PHAX: variants seen among roughly 807,000 people sequenced by gnomAD.
PHAX encodes the protein phosphorylated adapter RNA export protein.
A neutral mutation model predicts 41.6 loss-of-function variants in PHAX; 31 were observed. The observed-to-expected ratio is 0.75, with a 90% CI of 0.56 to 1.01. The LOEUF is 1.01. Among genes scored for constraint, PHAX ranks in the 50% least tolerant of loss-of-function variants. The probability of loss-of-function intolerance (pLI) is 0.00; values close to 1 mark genes in which losing one functional copy is unlikely to be tolerated. For synonymous variants in PHAX, 175 were observed against 164.9 expected, an observed-to-expected ratio of 1.06 and a Z score of -0.47; for missense variants, 453 against 472.9, an observed-to-expected ratio of 0.96 and a Z score of 0.39.
Position 126,608,265 on chromosome 5 carries a change from GT to G in PHAX, c.711-97del, listed in dbSNP as rs1752020310. The G allele has an allele frequency of 1.7e-5, 23 of 1,385,746 alleles. No homozygotes were observed. The East Asian group carries it at 5.3e-4, about 32-fold the overall frequency. The allele number at this position is 1,385,746 out of a possible 1,614,324, so 85.8% of individuals were successfully genotyped here. A position where few individuals can be genotyped will look rare whatever the true frequency, so the allele number is the denominator to read the frequency against. On this transcript the variant is annotated intron_variant, in intron 2 of 4. Coordinates refer to ENST00000297540, the MANE Select transcript of PHAX (RefSeq NM_032177.4). ...ATATTGAAGATTTAGAAAACCAAAA[GT>G]TACTAGAATCAGATTTTTATTCTAG...
rs1752360535 is a variant in PHAX, at chr5:126,626,734, T to TAAAAA, written c.*1890_*1891insAAAAA. ...CCTGGCGACAGAGCGAGACTCCCTC[T>TAAAAA]CAAAAAAAAAAAAAAAAATACAAAA... On this transcript the variant is annotated 3_prime_UTR_variant, in exon 5 of 5. Transcript: ENST00000297540. 1.7e-5 allele frequency: 1 copy of TAAAAA among 57,316 alleles called. No individual in the cohort carries two copies. Among genetic ancestry groups the TAAAAA allele is most frequent in the Non-Finnish European group, 2.7e-5 (1 of 36,942 alleles). The allele number at this position is 57,316 out of a possible 1,614,324, so 3.6% of individuals were successfully genotyped here.
Position 126,601,071 on chromosome 5 carries a change from G to A in PHAX, c.96+13G>A. ...GCTGCAATTGCCAGTGAGTGTGAAA[G>A]GAGGGTGGGTGATCGTGGCTGGGCG... On this transcript the variant is annotated intron_variant, in intron 1 of 4. Coordinates refer to ENST00000297540, the MANE Select transcript of PHAX (RefSeq NM_032177.4). The A allele has an allele frequency of 1.3e-6, 2 of 1,589,892 alleles. No homozygotes were observed. The highest frequency in any genetic ancestry group is 1.7e-4 in the Middle Eastern group (1 of 6,010).
chr5:126,618,662 T>A (rs1039864152), intron 4 of PHAX, among the ~76,000 whole-genome samples: 5 of 145,126 alleles, frequency 3.4e-5, no homozygotes, highest in Admixed American at 1.4e-4. Flanking sequence ...AGTCTTTTTT[T>A]AAAAACTGTT....
At chr5:126,605,621 C>T (rs1751977899) in intron 2 of PHAX, among the ~76,000 whole-genome samples, 1 of 151,640 alleles carries the variant, frequency 6.6e-6, no homozygotes, top group African/African-American at 2.4e-5. Flanking sequence ...TGATCTCGAT[C>T]TCCTGGCCTC....
chr5:126,604,598 TCTCA>T (rs996470464), intron 2 of PHAX, among the ~76,000 whole-genome samples: 13 of 152,024 alleles, frequency 8.6e-5, no homozygotes, highest in African/African-American at 3.1e-4. Context: ...TGAGAAAGGA[TCTCA>T]CTCTTGCCCA....
chr5:126,602,569 A>G (rs1470015650), intron 1 of PHAX, among the ~76,000 whole-genome samples: 1 of 152,368 alleles, frequency 6.6e-6, no homozygotes, highest in Admixed American at 6.5e-5. Flanking sequence ...GAGTTTAACA[A>G]AGACAAATAC....
chr5:126,618,668 C>CT (rs1382885519), intron 4 of PHAX, among the ~76,000 whole-genome samples: 6 of 128,956 alleles, frequency 4.7e-5, no homozygotes, highest in Admixed American at 1.5e-4. Context: ...TTTTTAAAAA[C>CT]TGTTTTTTTT....
At position 126,624,734 on chromosome 5, in the gene PHAX, A is replaced by AATGAGGC; in HGVS notation, c.1076_1082dup (p.Leu362Ter). ...ACGAGAAACTTTTGCAAGTGACACG[A>AATGAGGC]ATGAGGCCTTGGCCTCTCTTGATGA... On this transcript the variant is annotated frameshift_variant, in exon 5 of 5. Coordinates refer to ENST00000297540, the MANE Select transcript of PHAX (RefSeq NM_032177.4). LOFTEE classifies it high-confidence loss of function. 6.2e-7 allele frequency: 1 copy of AATGAGGC among 1,614,202 alleles called. No homozygotes were observed. Among genetic ancestry groups the AATGAGGC allele is most frequent in the Non-Finnish European group, 8.5e-7 (1 of 1,180,024 alleles).
chr5:126,624,519 A>G, intron 4 of PHAX, 56 bp from the exon 5 acceptor site: 1 of 1,332,174 alleles, frequency 7.5e-7, no homozygotes, highest in Non-Finnish European at 1.0e-6. Flanking sequence ...CAGTCATGGA[A>G]TAAACCTTTA....
chr5:126,604,632 A>G (rs919573683), intron 2 of PHAX, among the ~76,000 whole-genome samples: 10 of 151,808 alleles, frequency 6.6e-5, no homozygotes, highest in Admixed American at 2.0e-4. Context: ...GCAGTGCTGC[A>G]ATCACACCTC....
chr5:126,612,930 C>T (rs1391799396), intron 3 of PHAX, among the ~76,000 whole-genome samples: 5 of 152,084 alleles, frequency 3.3e-5, no homozygotes, highest in Non-Finnish European at 7.4e-5. Flanking sequence ...AAAGATGACT[C>T]CAAGGTTTTT....
Position 126,617,311 on chromosome 5 carries a change from G to A in PHAX, c.893G>A (p.Ser298Asn), listed in dbSNP as rs377587814. ...VFLNLLKNTP[S>N]ISEEQIKDIF... is the part of the protein sequence containing the mutation. ...CTGAATCTCTTGAAAAACACTCCTA[G>A]TATCAGCGAGGAACAAATTAAGGTA... Residue 298 changes from serine (S) to asparagine (N), a missense_variant, in exon 4 of 5, where the codon AGT (serine) becomes AAT (asparagine). Transcript: ENST00000297540. 1.2e-6 allele frequency: 2 copies of A among 1,607,868 alleles called. No homozygotes were observed. Among genetic ancestry groups the A allele is most frequent in the African/African-American group, 1.3e-5 (1 of 74,742 alleles).
intron 4 of PHAX, among the ~76,000 whole-genome samples, chr5:126,622,535 T>G (rs1202345558): frequency 7.1e-6 from 1 of 141,174 alleles, no homozygotes; most frequent in Non-Finnish European, 1.5e-5. Flanking sequence ...TCAAGTGATC[T>G]GACCACCTCG....
At position 126,603,855 on chromosome 5, in the gene PHAX, G is replaced by T; in HGVS notation, c.382G>T (p.Asp128Tyr). The T allele has an allele frequency of 6.2e-7, 1 of 1,614,046 alleles. No homozygotes were observed. Among genetic ancestry groups the T allele is most frequent in the South Asian group, 1.1e-5 (1 of 91,080 alleles). Residue 128 changes from aspartate to tyrosine, a missense_variant, in exon 2 of 5, where the codon GAT becomes TAT. Physicochemically the swap from Asp to Tyr is radical, Grantham distance 160. Transcript: ENST00000297540. ...WGAVLQEQNQ[D>Y]AVATELGILG... ...TGCTGTGCTGCAGGAACAGAATCAA[G>T]ATGCAGTGGCCACTGAACTTGGTAT...
rs747780906 is a variant in PHAX, at chr5:126,624,788, T to A, written c.1129T>A (p.Leu377Met). The change falls in exon 5 of 5, where the codon TTG becomes ATG. Residue 377 changes from leucine (L) to methionine (M), a missense_variant. By Grantham distance (15) the Leu-to-Met change is conservative. Transcript: ENST00000297540. ...ESQEGHAEAK[L>M]EAEEAIEVDH... The stretch of plus-strand genomic sequence containing the variant: ...ACAGGAAGGACATGCAGAAGCCAAG[T>A]TGGAGGCAGAGGAAGCCATTGAAGT... 4 of 1,613,372 alleles carry A rather than the reference T, an allele frequency of 2.5e-6. No individual in the cohort carries two copies. The highest frequency in any genetic ancestry group is 3.4e-6 in the Non-Finnish European group (4 of 1,179,898).
chr5:126,604,738 A>T (rs534354190), intron 2 of PHAX, among the ~76,000 whole-genome samples: 8 of 82,856 alleles, frequency 9.7e-5, no homozygotes, highest in Admixed American at 7.9e-4. Context: ...CTGGCCAATT[A>T]AAAAAAAAAA....
At chr5:126,623,075 G>A (rs535197533) in intron 4 of PHAX, among the ~76,000 whole-genome samples, 279 of 151,928 alleles carry the variant, frequency 1.8e-3, no homozygotes, top group African/African-American at 5.9e-3. Context: ...GCAGTGAGCC[G>A]AGATCAGACG....
intron 2 of PHAX, among the ~76,000 whole-genome samples, chr5:126,604,700 C>G (rs759362848): frequency 1.5e-4 from 22 of 151,706 alleles, no homozygotes; most frequent in Non-Finnish European, 2.9e-4. Flanking sequence ...TCCTGAGTAA[C>G]TGGGACTACA....
chr5:126,610,502 T>C (rs1752077579), intron 3 of PHAX, among the ~76,000 whole-genome samples: 1 of 152,202 alleles, frequency 6.6e-6, no homozygotes, highest in South Asian at 2.1e-4. Context: ...AAACAGAAGT[T>C]AGCAACAAAA....
Sources: allele counts gnomAD v4.1 joint callset (sites outside exome capture counted in the v4.1 genomes callset), GRCh38; gene constraint gnomAD v4.1.1; transcripts MANE v1.5; gene names NCBI Gene and HGNC (gene_info 2026-07-23, HGNC 2026-07-21).